Variants in ST6GAL1 observed in about 807,000 individuals in gnomAD.
The protein encoded by ST6GAL1 is beta-galactoside alpha-2,6-sialyltransferase 1.
In ST6GAL1, 20 loss-of-function variants were observed where a neutral mutation model predicts 38.0. That is an observed-to-expected ratio of 0.53 (90% CI 0.37 to 0.77). The LOEUF (loss-of-function observed/expected upper bound fraction) is 0.77. ST6GAL1 is among the 30% of genes least tolerant of loss of function. The probability of loss-of-function intolerance (pLI) is 0.00; values close to 1 mark genes in which losing one functional copy is unlikely to be tolerated. For synonymous variants in ST6GAL1, 196 were observed against 188.2 expected, an observed-to-expected ratio of 1.04 and a Z score of -0.34; for missense variants, 432 against 496.4, an observed-to-expected ratio of 0.87 and a Z score of 1.23.
rs150532866 is a variant in ST6GAL1, at chr3:187,001,374, C to G, written c.-182-37368C>G. On this transcript the variant is annotated intron_variant, in intron 2 of 7. Coordinates refer to ENST00000169298, the MANE Select transcript of ST6GAL1 (RefSeq NM_173216.2). ...ATCTAAAATCAGGTGACAGCAATGT[C>G]TCCCTGTAATATTGCAGTGGGGATT... Among the ~76,000 whole-genome samples, 831 of 152,318 alleles carry G rather than the reference C, an allele frequency of 5.5e-3. 12 individuals carry two copies. The highest frequency in any genetic ancestry group is 3.3e-3 in the Non-Finnish European group (227 of 68,022).
rs2108537848 is a variant in ST6GAL1, at chr3:186,981,616, A to G, written c.-183+17690A>G. Among the ~76,000 whole-genome samples the G allele has an allele frequency of 1.3e-5, 2 of 152,228 alleles. 1 individual carries two copies. The highest frequency in any genetic ancestry group is 4.1e-4 in the South Asian group (2 of 4,824). ...GACTGATGATGTCTTGTTATCTCTTATTAGCATTCCAAGTCTTATCTTATT... is the reference window on the plus strand; with the variant it reads ...GACTGATGATGTCTTGTTATCTCTTGTTAGCATTCCAAGTCTTATCTTATT... On this transcript the variant is annotated intron_variant, in intron 2 of 7. Transcript: ENST00000169298.
At chr3:187,023,339 T>G (rs1350941319) in intron 2 of ST6GAL1, among the ~76,000 whole-genome samples, 1 of 152,058 alleles carries the variant, frequency 6.6e-6, no homozygotes, top group Non-Finnish European at 1.5e-5. Context: ...TTTATGTTGT[T>G]TGACTCTTTA....
intron 2 of ST6GAL1, among the ~76,000 whole-genome samples, chr3:187,005,450 AT>A: frequency 6.6e-6 from 1 of 150,982 alleles, no homozygotes; most frequent in Non-Finnish European, 1.5e-5. Context: ...TAACTTTTGT[AT>A]TTTTTAGTAG....
rs537210635 is a variant in ST6GAL1 at position 187,052,461 on chromosome 3, C to G, written c.705+1115C>G. On this transcript the variant is annotated intron_variant, in intron 5 of 7. Coordinates refer to ENST00000169298, the MANE Select transcript of ST6GAL1 (RefSeq NM_173216.2). ...ATCCCTCCCCTTGCCCCCAACCCCA[C>G]AACAGGCCCCAGGGTGTGATGTTCC... 2.0e-3 allele frequency among the ~76,000 whole-genome samples: 302 copies of G among 152,260 alleles called. 2 individuals are homozygous for G. The highest frequency in any genetic ancestry group is 6.9e-3 in the African/African-American group (285 of 41,540).
At chr3:187,069,358 C>T (rs951465538) in intron 5 of ST6GAL1, among the ~76,000 whole-genome samples, 2 of 152,340 alleles carry the variant, frequency 1.3e-5, no homozygotes, top group South Asian at 4.1e-4. Context: ...TGGTCTTGAA[C>T]TCCTGACCTC....
Position 186,998,660 on chromosome 3 carries a change from CTG to C in ST6GAL1, c.-183+34736_-183+34737del, listed in dbSNP as rs1716501793. Among the ~76,000 whole-genome samples, 3 of 152,252 alleles carry C rather than the reference CTG, an allele frequency of 2.0e-5. No individual in the cohort carries two copies. In the South Asian group the frequency reaches 6.2e-4, roughly 32 times the overall value. On this transcript the variant is annotated intron_variant, in intron 2 of 7. Transcript: ENST00000169298. Reference sequence around the variant, plus strand: ...TGGAACTGTGCTGTTTAAGGATCAACTGTATTTTATTTAACTCAATATATTCA... The same window carrying C: ...TGGAACTGTGCTGTTTAAGGATCAACTATTTTATTTAACTCAATATATTCA...
chr3:187,073,179 G>A (rs969303133), intron 6 of ST6GAL1, among the ~76,000 whole-genome samples: 2 of 152,190 alleles, frequency 1.3e-5, no homozygotes, highest in African/African-American at 4.8e-5. Context: ...CCCAGTTATA[G>A]TATTTACTGG....
chr3:186,961,589 C>A (rs1201757006), intron 1 of ST6GAL1, among the ~76,000 whole-genome samples: 1 of 152,140 alleles, frequency 6.6e-6, no homozygotes, highest in Non-Finnish European at 1.5e-5. Context: ...CAAAAGGAAT[C>A]CCCCATTCCC....
At position 187,075,465 on chromosome 3, in the gene ST6GAL1, C is replaced by T; in HGVS notation, c.980-97C>T. The T allele has an allele frequency of 6.5e-7, 1 of 1,530,784 alleles. No homozygotes were observed. The highest frequency in any genetic ancestry group is 8.8e-7 in the Non-Finnish European group (1 of 1,136,080). The allele number at this position is 1,530,784 out of a possible 1,614,324, so 94.8% of individuals were successfully genotyped here. On this transcript the variant is annotated intron_variant, in intron 7 of 7. Transcript: ENST00000169298. The surrounding 1 kb of genome is among the most constrained non-coding windows in gnomAD (Gnocchi z 4.1). ...ATAGAAACTCCAGAGGGAAAGCTCT[C>T]CAAATTTGGGGTCATGAGCTGCTGA...
intron 5 of ST6GAL1, among the ~76,000 whole-genome samples, chr3:187,061,045 A>C (rs1718898895): frequency 6.6e-6 from 1 of 152,212 alleles, no homozygotes; most frequent in African/African-American, 2.4e-5. Flanking sequence ...AACACCCAAA[A>C]AATATTCATT....
At chr3:187,062,251 G>C (rs910262865) in intron 5 of ST6GAL1, among the ~76,000 whole-genome samples, 1 of 152,118 alleles carries the variant, frequency 6.6e-6, no homozygotes, top group Non-Finnish European at 1.5e-5. Flanking sequence ...AAAATGGTCA[G>C]CCACTGTGGA....
intron 1 of ST6GAL1, among the ~76,000 whole-genome samples, chr3:186,954,240 G>A (rs144317671): frequency 0.014 from 2,065 of 152,228 alleles, 22 homozygotes; most frequent in East Asian, 0.058. Context: ...ACTGATGGAC[G>A]TTTGGGTTGA....
intron 2 of ST6GAL1, among the ~76,000 whole-genome samples, chr3:187,003,647 A>G (rs1336865620): frequency 2.0e-5 from 3 of 152,230 alleles, no homozygotes; most frequent in Non-Finnish European, 4.4e-5. Flanking sequence ...TACTGTAAAC[A>G]GTATATAAGA....
In ST6GAL1 at chr3:187,072,905, A is replaced by G; in HGVS notation, c.762A>G (p.Leu254=). Residue 254 remains leucine, a synonymous_variant, in exon 6 of 8, where the codon CTA becomes CTG. Transcript: ENST00000169298. ...LKDSLYNEGI[L]IVWDPSVYHS... ...ACAGTTTGTACAATGAAGGAATCCT[A>G]ATTGTATGGGACCCATCTGTATACC... 1 of 1,613,986 alleles carries G rather than the reference A, an allele frequency of 6.2e-7. No individual in the cohort carries two copies. The highest frequency in any genetic ancestry group is 1.1e-5 in the South Asian group (1 of 91,078).
intron 1 of ST6GAL1, chr3:186,942,408 C>T (rs1714209737): frequency 1.3e-5 from 2 of 152,252 alleles, no homozygotes. Context: ...AAAAGAACTG[C>T]ATGTCCCAGG....
At chr3:186,980,877 A>C (rs61568368) in intron 2 of ST6GAL1, among the ~76,000 whole-genome samples, 3,113 of 152,260 alleles carry the variant, frequency 0.02, 103 homozygotes, top group African/African-American at 0.067. Flanking sequence ...GTGTGCCTTT[A>C]TAGGTCCCTG....
intron 2 of ST6GAL1, among the ~76,000 whole-genome samples, chr3:187,011,573 A>G (rs909843657): frequency 6.6e-6 from 1 of 152,132 alleles, no homozygotes; most frequent in African/African-American, 2.4e-5. Flanking sequence ...ATGTGAAACA[A>G]CCTCCTGCTC....
intron 2 of ST6GAL1, among the ~76,000 whole-genome samples, chr3:186,999,060 G>A (rs1716517825): frequency 1.3e-5 from 2 of 152,230 alleles, no homozygotes; most frequent in Non-Finnish European, 2.9e-5. Context: ...GGGGGCCCGG[G>A]GGCAATGCAG....
In ST6GAL1 at chr3:187,043,194, A is replaced by T; in HGVS notation, c.491A>T (p.Glu164Val). ...ACAGATTTTCCCTTCAATACCTCTG[A>T]ATGGGAGGGTTATCTGCCCAAGGAG... Reference protein sequence around the residue: ...EVTDFPFNTSEWEGYLPKESI... With the variant: ...EVTDFPFNTSVWEGYLPKESI... The change falls in exon 4 of 8, where the codon GAA (glutamate) becomes GTA (valine). Residue 164 changes from glutamate to valine, a missense_variant. Coordinates refer to ENST00000169298, the MANE Select transcript of ST6GAL1 (RefSeq NM_173216.2). 6.2e-7 allele frequency: 1 copy of T among 1,614,204 alleles called. No homozygotes were observed.
Sources: gnomAD v4.1 joint callset for allele counts (sites outside exome capture counted in the v4.1 genomes callset) on GRCh38, gnomAD v4.1.1 for gene constraint, Gnocchi (gnomAD v3.1) non-coding constraint, MANE v1.5 for transcripts, NCBI Gene and HGNC (gene_info 2026-07-23, HGNC 2026-07-21) for gene names.